Variants in MAP4K4 observed in about 807,000 individuals in gnomAD.
The protein encoded by MAP4K4 is mitogen-activated protein kinase kinase kinase kinase 4, also known as HPK/GCK-like kinase HGK.
Under a neutral mutation model 189.6 loss-of-function variants are expected in MAP4K4, and 38 were observed. The ratio of observed to expected loss-of-function variants is 0.20; its 90% confidence interval spans 0.15 to 0.26. The LOEUF (loss-of-function observed/expected upper bound fraction) is 0.26. MAP4K4 is among the 10% of genes least tolerant of loss of function. The pLI, the probability that MAP4K4 is intolerant of heterozygous loss-of-function variation, is 1.00. For synonymous variants in MAP4K4, 610 were observed against 624.3 expected, an observed-to-expected ratio of 0.98 and a Z score of 0.34; for missense variants, 1,054 against 1,726.9, an observed-to-expected ratio of 0.61 and a Z score of 6.91.
chr2:101,860,904 C>T, exon 16 of MAP4K4: 1 of 1,608,454 alleles, frequency 6.2e-7, no homozygotes, highest in East Asian at 2.2e-5. Context: ...TTGGAGCCAC[C>T]AGTGCCTTCC....
At chr2:101,887,215 A>G (rs1273216893) in exon 30 of MAP4K4, 1 of 1,612,312 alleles carries the variant, frequency 6.2e-7, no homozygotes, top group Non-Finnish European at 8.5e-7. Context: ...GGATCAGTCT[A>G]TGACATTTAT....
intron 2 of MAP4K4, among the ~76,000 whole-genome samples, chr2:101,729,438 A>G (rs1055977651): frequency 6.6e-6 from 1 of 152,214 alleles, no homozygotes; most frequent in Non-Finnish European, 1.5e-5. Context: ...TTAAAAATAC[A>G]TGTTATAGGT....
chr2:101,756,605 A>T (rs1029322875), intron 2 of MAP4K4, among the ~76,000 whole-genome samples: 3 of 152,022 alleles, frequency 2.0e-5, no homozygotes, highest in Admixed American at 2.0e-4. Context: ...CTTATGCTGG[A>T]GTGCTGTGGC....
intron 12 of MAP4K4, among the ~76,000 whole-genome samples, chr2:101,853,335 A>G (rs189308998): frequency 2.5e-4 from 38 of 152,334 alleles, no homozygotes; most frequent in South Asian, 1.5e-3. Context: ...TCTCCTACAT[A>G]TATACATATA....
At chr2:101,794,121 A>G (rs2093364439) in intron 3 of MAP4K4, among the ~76,000 whole-genome samples, 1 of 152,174 alleles carries the variant, frequency 6.6e-6, no homozygotes, top group Non-Finnish European at 1.5e-5. Context: ...GGAAGGGTTT[A>G]AGGAACAGAT....
chr2:101,716,274 T>G (rs1213996655), intron 2 of MAP4K4, among the ~76,000 whole-genome samples: 1 of 152,076 alleles, frequency 6.6e-6, no homozygotes, highest in East Asian at 1.9e-4. Flanking sequence ...AAACGCCGTC[T>G]CTACTAAAAA....
intron 32 of MAP4K4, 75 bp downstream of exon 32, chr2:101,889,010 A>G (rs970076264): frequency 7.8e-6 from 10 of 1,274,658 alleles, no homozygotes; most frequent in Middle Eastern, 3.9e-4. Context: ...GAGTTTGATG[A>G]TTAATTTCCT....
At chr2:101,710,073 A>C (rs902833748) in intron 2 of MAP4K4, among the ~76,000 whole-genome samples, 7 of 152,108 alleles carry the variant, frequency 4.6e-5, no homozygotes, top group African/African-American at 1.7e-4. Context: ...ATTGGTGTGT[A>C]GTTTTATGAC....
chr2:101,834,216 C>T (rs967738725), intron 7 of MAP4K4, among the ~76,000 whole-genome samples, 193 bp from the exon 8 acceptor site: 3 of 136,006 alleles, frequency 2.2e-5, no homozygotes, highest in Non-Finnish European at 4.8e-5. Flanking sequence ...CTCCATCCCT[C>T]CATCCCTCCA....
chr2:101,862,591 T>C (rs1228875195), intron 16 of MAP4K4, among the ~76,000 whole-genome samples: 1 of 152,212 alleles, frequency 6.6e-6, no homozygotes, highest in Non-Finnish European at 1.5e-5. Context: ...AGTTTCTGAA[T>C]TATCTAATTT....
chr2:101,869,081 ATATT>A (rs886524208), intron 21 of MAP4K4, among the ~76,000 whole-genome samples: 16 of 152,118 alleles, frequency 1.1e-4, no homozygotes, highest in African/African-American at 2.9e-4. Flanking sequence ...TAAAATATTA[ATATT>A]TATTACTAAA....
chr2:101,816,663 T>C (rs536927166), intron 3 of MAP4K4, among the ~76,000 whole-genome samples: 2 of 152,286 alleles, frequency 1.3e-5, no homozygotes, highest in Admixed American at 1.3e-4. Flanking sequence ...CGGGAATGAC[T>C]TAAGTCTGGA....
intron 7 of MAP4K4, among the ~76,000 whole-genome samples, chr2:101,833,779 A>G (rs961270283): frequency 2.6e-5 from 4 of 152,170 alleles, no homozygotes; most frequent in Admixed American, 2.0e-4. Context: ...CAAATTTTAA[A>G]TTTAGTATTT....
At chr2:101,889,372 A>G (rs535388596) in intron 32 of MAP4K4, among the ~76,000 whole-genome samples, 1 of 152,194 alleles carries the variant, frequency 6.6e-6, no homozygotes, top group East Asian at 1.9e-4. Context: ...ATTGCTTCCT[A>G]GGTTTGCATG....
chr2:101,783,554 A>G (rs958733081), intron 2 of MAP4K4, among the ~76,000 whole-genome samples: 2 of 152,208 alleles, frequency 1.3e-5, no homozygotes, highest in African/African-American at 4.8e-5. Context: ...ATGGCCTGGG[A>G]TAGAGCCTGG....
intron 3 of MAP4K4, among the ~76,000 whole-genome samples, chr2:101,791,568 A>T (rs1342689935): frequency 6.6e-6 from 1 of 152,196 alleles, no homozygotes; most frequent in Non-Finnish European, 1.5e-5. Flanking sequence ...TATTTCACAG[A>T]TTCTAGAAAG....
chr2:101,859,713 A>G (rs1306934464), exon 15 of MAP4K4: 23 of 1,612,670 alleles, frequency 1.4e-5, no homozygotes, highest in Non-Finnish European at 1.9e-5. Flanking sequence ...CAACAAGAAC[A>G]AGCATATCTC....
chr2:101,719,992 A>C (rs2149425871), intron 2 of MAP4K4, among the ~76,000 whole-genome samples: 1 of 152,094 alleles, frequency 6.6e-6, no homozygotes, highest in African/African-American at 2.4e-5. Context: ...AGCCTGGGCG[A>C]CAAGAGTGAG....
intron 2 of MAP4K4, among the ~76,000 whole-genome samples, chr2:101,747,703 T>C (rs2066362430): frequency 6.6e-6 from 1 of 152,168 alleles, no homozygotes; most frequent in South Asian, 2.1e-4. Context: ...CCCCCCTTCT[T>C]AGCTTTGGAT....
Sources: gnomAD v4.1 joint callset for allele counts (sites outside exome capture counted in the v4.1 genomes callset) on GRCh38, gnomAD v4.1.1 for gene constraint, MANE v1.5 for transcripts, NCBI Gene and HGNC (gene_info 2026-07-23, HGNC 2026-07-21) for gene names.